GLRA2: variants seen among roughly 807,000 people sequenced by gnomAD.
The protein encoded by GLRA2 is glycine receptor subunit alpha-2.
Under a neutral mutation model 31.6 loss-of-function variants are expected in GLRA2, and 11 were observed. That is an observed-to-expected ratio of 0.35 (90% CI 0.22 to 0.58). GLRA2 has a LOEUF of 0.58. Among genes scored for constraint, GLRA2 ranks in the 20% least tolerant of loss-of-function variants. The probability of loss-of-function intolerance (pLI) is 0.84; values close to 1 mark genes in which losing one functional copy is unlikely to be tolerated. For synonymous variants in GLRA2, 132 were observed against 134.0 expected, an observed-to-expected ratio of 0.99 and a Z score of 0.10; for missense variants, 212 against 351.8, an observed-to-expected ratio of 0.60 and a Z score of 3.18.
At chrX:14,607,534 A>G (rs1263423763) in intron 6 of GLRA2, among the ~76,000 whole-genome samples, 1 of 111,381 alleles carries the variant, frequency 9.0e-6, no homozygotes, top group Non-Finnish European at 1.9e-5. Flanking sequence ...CTAGCTGACC[A>G]TCTGTTGTCG....
chrX:14,606,704 A>T (rs1169183691), intron 5 of GLRA2, among the ~76,000 whole-genome samples: 3 of 111,737 alleles, frequency 2.7e-5, no homozygotes, highest in African/African-American at 9.7e-5. Context: ...ATTCTCATTT[A>T]AAAAAAGAAT....
intron 8 of GLRA2, among the ~76,000 whole-genome samples, chrX:14,721,209 C>A (rs1403888003): frequency 9.1e-6 from 1 of 109,556 alleles, no homozygotes; most frequent in African/African-American, 3.3e-5. Context: ...CAAATATTTT[C>A]AAGATAAACC....
the GLRA2 span, among the ~76,000 whole-genome samples, chrX:14,481,160 G>A: frequency 9.0e-6 from 1 of 111,145 alleles, no homozygotes; most frequent in Admixed American, 9.6e-5. Context: ...TTCTTGATTT[G>A]TCTCTCAGCT....
At chrX:14,599,976 TCTC>T (rs2147086596) in intron 4 of GLRA2, among the ~76,000 whole-genome samples, 1 of 110,821 alleles carries the variant, frequency 9.0e-6, no homozygotes, top group African/African-American at 3.3e-5. Flanking sequence ...AACTGTTAAC[TCTC>T]CTCCTTATTA....
intron 7 of GLRA2, among the ~76,000 whole-genome samples, chrX:14,678,592 G>A (rs1210529202): frequency 9.0e-6 from 1 of 111,395 alleles, no homozygotes; most frequent in East Asian, 2.8e-4. Context: ...CTAGTGAGAA[G>A]AAAGATTTAA....
chrX:14,512,370 A>G, the GLRA2 span, among the ~76,000 whole-genome samples: 1 of 111,557 alleles, frequency 9.0e-6, no homozygotes, highest in Non-Finnish European at 1.9e-5. Flanking sequence ...CAAGACAAAG[A>G]TGCCCACTTT....
intron 6 of GLRA2, among the ~76,000 whole-genome samples, chrX:14,608,631 A>G (rs994106414): frequency 7.2e-5 from 8 of 110,403 alleles, no homozygotes; most frequent in African/African-American, 2.3e-4. Context: ...CAAAATTTGA[A>G]TATTTTATTT....
Position 14,592,040 on chromosome X carries a change from G to A in GLRA2, c.494+10634G>A, listed in dbSNP as rs761034852. Reference sequence around the variant, plus strand: ...CAGCTCCATAAGTTTATCATTCTGGGTCTCAGTTTCCTCTATAAAATGAGA... The same window carrying A: ...CAGCTCCATAAGTTTATCATTCTGGATCTCAGTTTCCTCTATAAAATGAGA... On this transcript the variant is annotated intron_variant, in intron 4 of 8. Transcript: ENST00000218075. Among the ~76,000 whole-genome samples, 251 of 111,264 alleles carry A rather than the reference G, an allele frequency of 2.3e-3. 3 individuals are homozygous for A. Among genetic ancestry groups the A allele is most frequent in the Non-Finnish European group, 1.5e-3 (78 of 53,084 alleles).
chrX:14,559,877 A>G (rs1243368827), intron 2 of GLRA2, among the ~76,000 whole-genome samples: 2 of 111,641 alleles, frequency 1.8e-5, no homozygotes, highest in South Asian at 3.8e-4. Flanking sequence ...ATTCTTTCAG[A>G]TTAAATGACT....
intron 7 of GLRA2, among the ~76,000 whole-genome samples, chrX:14,653,356 A>G (rs993185149): frequency 8.9e-6 from 1 of 112,281 alleles, no homozygotes; most frequent in Non-Finnish European, 1.9e-5. Flanking sequence ...AACATCTGTG[A>G]TTCATGGAAG....
chrX:14,528,915 G>T (rs2089216406), upstream of GLRA2, among the ~76,000 whole-genome samples: 1 of 111,879 alleles, frequency 8.9e-6, no homozygotes, highest in South Asian at 3.7e-4. Flanking sequence ...CAGTTGGAAG[G>T]GGCTTTCCCT....
intron 7 of GLRA2, among the ~76,000 whole-genome samples, chrX:14,656,937 C>A (rs923630761): frequency 1.8e-5 from 2 of 111,577 alleles, no homozygotes; most frequent in Non-Finnish European, 3.8e-5. Context: ...CACAGAAGAC[C>A]TTTCTGAAGA....
intron 2 of GLRA2, among the ~76,000 whole-genome samples, chrX:14,554,919 A>G (rs1321057885): frequency 8.9e-6 from 1 of 112,169 alleles, no homozygotes; most frequent in Non-Finnish European, 1.9e-5. Flanking sequence ...GTTTTAAAAT[A>G]GCTCCCATAG....
At chrX:14,519,917 G>C in the GLRA2 span, among the ~76,000 whole-genome samples, 1 of 112,340 alleles carries the variant, frequency 8.9e-6, no homozygotes, top group Non-Finnish European at 1.9e-5. Context: ...GTATAGGACT[G>C]TTGGGTACAC....
At position 14,690,618 on chromosome X, in the gene GLRA2, A is replaced by G. The variant is rs56374801; in HGVS notation, c.931-92A>G. The G allele has an allele frequency of 1.6e-3, 1,030 of 627,299 alleles. 2 individuals carry two copies. Among genetic ancestry groups the G allele is most frequent in the Non-Finnish European group, 2.4e-3 (922 of 387,225 alleles). 51.7% of individuals were successfully genotyped at this position (627,299 alleles called of 1,213,427 possible). On this transcript the variant is annotated intron_variant, in intron 7 of 8. Transcript: ENST00000218075. The stretch of plus-strand genomic sequence containing the variant: ...ATTAGGTTATTTTGCTGCTCACACC[A>G]TTAAGAATCTGGTTTCCTGGCAGGC...
At chrX:14,702,156 A>G (rs1437164862) in intron 8 of GLRA2, among the ~76,000 whole-genome samples, 2 of 111,856 alleles carry the variant, frequency 1.8e-5, no homozygotes, top group East Asian at 5.6e-4. Context: ...TGCTTTCACT[A>G]CATCATAAAA....
intron 1 of GLRA2, chrX:14,531,027 T>A: frequency 2.1e-6 from 2 of 959,170 alleles, no homozygotes; most frequent in Admixed American, 6.2e-5. Flanking sequence ...GAAAACCCAC[T>A]ATGTTCCTTT....
the GLRA2 span, among the ~76,000 whole-genome samples, chrX:14,457,364 C>A: frequency 6.4e-5 from 7 of 109,706 alleles, no homozygotes; most frequent in South Asian, 1.2e-3. Flanking sequence ...CCCCACCCCC[C>A]ACGGGCCCCA....
intron 7 of GLRA2, among the ~76,000 whole-genome samples, chrX:14,628,612 G>T (rs1489105516): frequency 8.9e-6 from 1 of 112,020 alleles, no homozygotes; most frequent in African/African-American, 3.2e-5. Flanking sequence ...GGAAGTGAAG[G>T]CTAAGTGGGA....
Sources: allele counts gnomAD v4.1 joint callset (sites outside exome capture counted in the v4.1 genomes callset), GRCh38; gene constraint gnomAD v4.1.1; transcripts MANE v1.5; gene names NCBI Gene and HGNC (gene_info 2026-07-23, HGNC 2026-07-21).